Variants in ACTN4 observed in about 807,000 individuals in gnomAD.
ACTN4 encodes actinin alpha 4.
A neutral mutation model predicts 114.2 loss-of-function variants in ACTN4; 18 were observed. That is an observed-to-expected ratio of 0.16 (90% CI 0.11 to 0.23). The LOEUF is 0.23. Among genes scored for constraint, ACTN4 ranks in the 10% least tolerant of loss-of-function variants. The pLI is 1.00. For synonymous variants in ACTN4, 515 were observed against 506.3 expected (o/e 1.02, Z -0.23); for missense variants, 722 against 1,262.9 (o/e 0.57, Z 6.49).
chr19:38,708,587 C>T (rs1968539302), intron 6 of ACTN4, among the ~76,000 whole-genome samples: 1 of 152,234 alleles, frequency 6.6e-6, no homozygotes, highest in East Asian at 1.9e-4. Flanking sequence ...GTCCTGCTGT[C>T]ATTTGCCTGT....
chr19:38,667,839 T>A (rs1343696814), intron 1 of ACTN4, among the ~76,000 whole-genome samples: 12 of 152,194 alleles, frequency 7.9e-5, no homozygotes, highest in Admixed American at 6.5e-5. Flanking sequence ...TTGTATCTTG[T>A]CATTTTTCCT....
intron 1 of ACTN4, among the ~76,000 whole-genome samples, chr19:38,687,866 T>C (rs1967797381): frequency 1.3e-5 from 2 of 152,224 alleles, no homozygotes; most frequent in Non-Finnish European, 2.9e-5. Flanking sequence ...ATTGTATATC[T>C]GATAAGGGTC....
intron 1 of ACTN4, among the ~76,000 whole-genome samples, chr19:38,653,472 G>T (rs1035808770): frequency 1.3e-5 from 2 of 152,036 alleles, no homozygotes; most frequent in African/African-American, 4.8e-5. Flanking sequence ...GGGCAGAAGG[G>T]AAGGGCAAAT....
At chr19:38,681,971 CA>C (rs913961312) in intron 1 of ACTN4, among the ~76,000 whole-genome samples, 10 of 152,148 alleles carry the variant, frequency 6.6e-5, no homozygotes, top group African/African-American at 1.9e-4. Context: ...GCTGGGACCA[CA>C]GGGGCCTACC....
At chr19:38,718,122 C>G (rs199711892) in intron 11 of ACTN4, 48 bp downstream of exon 11, 25 of 1,569,056 alleles carry the variant, frequency 1.6e-5, no homozygotes, top group Non-Finnish European at 2.1e-5. Flanking sequence ...TCCCGTGCTC[C>G]CCTCCTGTCT....
intron 1 of ACTN4, among the ~76,000 whole-genome samples, chr19:38,658,391 A>G (rs542034531): frequency 5.3e-5 from 8 of 152,302 alleles, no homozygotes; most frequent in African/African-American, 1.9e-4. Context: ...AAGAACTCTA[A>G]ATTTCCCACA....
chr19:38,728,651 TTC>T (rs1285722495), intron 19 of ACTN4, among the ~76,000 whole-genome samples: 4 of 152,122 alleles, frequency 2.6e-5, no homozygotes, highest in African/African-American at 9.7e-5. Flanking sequence ...CCCTTTTTCT[TTC>T]TCTTTCTCTC....
intron 1 of ACTN4, among the ~76,000 whole-genome samples, chr19:38,673,414 G>C (rs1967195083): frequency 8.2e-6 from 1 of 121,798 alleles, no homozygotes; most frequent in Non-Finnish European, 1.8e-5. Flanking sequence ...GACATACATA[G>C]AGTGTTCCAA....
intron 19 of ACTN4, chr19:38,728,413 C>G (rs1361646575): frequency 1.0e-5 from 6 of 591,996 alleles, no homozygotes; most frequent in Non-Finnish European, 1.4e-5. Flanking sequence ...GCCACCCGCT[C>G]CTCCTCCTCC....
rs1976427393 is a variant in ACTN4, at chr19:38,647,768, A to G, written c.23A>G (p.Asn8Ser). MVDYHAA[N>S]QSYQYGPSSA... ...GGAATGGTGGACTACCACGCGGCGA[A>G]CCAGTCGTACCAGTACGGCCCCAGC... The change falls in exon 1 of 21, where the codon AAC becomes AGC. Residue 8 changes from asparagine (N) to serine (S), a missense_variant. Asn to Ser is a conservative substitution (Grantham distance 46, BLOSUM62 1). Around this residue, in one of 3 missense-constraint regions of ACTN4, gnomAD observed 72 missense variants for 75.6 expected, o/e 0.95. Coordinates refer to ENST00000252699, the MANE Select transcript of ACTN4 (RefSeq NM_004924.6). The G allele has an allele frequency of 6.4e-7, 1 of 1,552,232 alleles. No homozygotes were observed. Among genetic ancestry groups the G allele is most frequent in the African/African-American group, 1.4e-5 (1 of 71,516 alleles).
At chr19:38,679,562 G>GGTGTCCGT (rs1967485378) in intron 1 of ACTN4, among the ~76,000 whole-genome samples, 1 of 96,298 alleles carries the variant, frequency 1.0e-5, no homozygotes. Flanking sequence ...AATAGATTTG[G>GGTGTCCGT]GTGTGCGTGT....
intron 1 of ACTN4, among the ~76,000 whole-genome samples, chr19:38,689,754 A>G (rs775899095): frequency 2.8e-4 from 43 of 151,768 alleles, no homozygotes; most frequent in Admixed American, 2.6e-4. Context: ...GCTCATTGCA[A>G]CCTTTGCCTC....
At chr19:38,663,141 C>T (rs1245882973) in intron 1 of ACTN4, among the ~76,000 whole-genome samples, 1 of 152,070 alleles carries the variant, frequency 6.6e-6, no homozygotes, top group Admixed American at 6.6e-5. Context: ...GAACTGCTGA[C>T]CTCAGGTGAT....
At chr19:38,726,928 C>T in intron 17 of ACTN4, 29 bp from the exon 18 acceptor site, 1 of 1,612,742 alleles carries the variant, frequency 6.2e-7, no homozygotes, top group Non-Finnish European at 8.5e-7. Flanking sequence ...CAGCACCCGG[C>T]CCACGATCAC....
chr19:38,692,125 G>A (rs956300558), intron 1 of ACTN4, among the ~76,000 whole-genome samples: 6 of 152,194 alleles, frequency 3.9e-5, no homozygotes, highest in African/African-American at 1.4e-4. Context: ...TTTTCATGCA[G>A]GCTGAGAAAA....
Position 38,710,195 on chromosome 19 carries a change from G to C in ACTN4, c.734-62G>C, listed in dbSNP as rs1172191387. On this transcript the variant is annotated intron_variant, in intron 7 of 20. Transcript: ENST00000252699. ...TGGCCTTGGGAGCCCGTGGATCCCA[G>C]TGAGTGACGCCTCCACCCCCCGCCC... 80 of 1,576,948 alleles carry C rather than the reference G, an allele frequency of 5.1e-5. No homozygotes were observed. The East Asian group carries it at 1.7e-3, about 34-fold the overall frequency.
At chr19:38,673,777 A>T in intron 1 of ACTN4, among the ~76,000 whole-genome samples, 1 of 118,136 alleles carries the variant, frequency 8.5e-6, no homozygotes, top group South Asian at 2.4e-4. Flanking sequence ...ATATTTATAT[A>T]TGTATAATTT....
chr19:38,725,646 G>A, intron 16 of ACTN4, 78 bp from the exon 17 acceptor site: 1 of 1,528,830 alleles, frequency 6.5e-7, no homozygotes, highest in South Asian at 1.2e-5. Flanking sequence ...CAGGCCAGCA[G>A]CGCGAGTGGG....
intron 1 of ACTN4, among the ~76,000 whole-genome samples, chr19:38,648,863 G>C (rs1243518813): frequency 6.6e-6 from 1 of 151,688 alleles, no homozygotes; most frequent in Non-Finnish European, 1.5e-5. Flanking sequence ...GAAGTGTAGA[G>C]GGAGAAGGTG....
Sources: gnomAD v4.1 joint callset for allele counts (sites outside exome capture counted in the v4.1 genomes callset) on GRCh38, gnomAD v4.1.1 for gene constraint, gnomAD v4.1.1 regional missense constraint, MANE v1.5 for transcripts, NCBI Gene and HGNC (gene_info 2026-07-23, HGNC 2026-07-21) for gene names.